Variants in GRK5 observed in about 807,000 individuals in gnomAD.
GRK5 encodes G protein-coupled receptor kinase 5.
GRK5 carries 40 observed loss-of-function variants against 78.4 expected under a neutral mutation model. That is an observed-to-expected ratio of 0.51 (90% CI 0.40 to 0.66). GRK5 has a LOEUF of 0.66. Among genes scored for constraint, GRK5 ranks in the 30% least tolerant of loss-of-function variants. GRK5 has a pLI of 0.00. For synonymous variants in GRK5, 289 were observed against 296.8 expected (o/e 0.97, Z 0.27); for missense variants, 598 against 759.9 (o/e 0.79, Z 2.50).
At chr10:119,405,927 C>T (rs983335253) in intron 4 of GRK5, among the ~76,000 whole-genome samples, 2 of 152,090 alleles carry the variant, frequency 1.3e-5, no homozygotes, top group African/African-American at 4.8e-5. Context: ...AGGAACATGC[C>T]TGGAGAACCA....
chr10:119,218,922 G>A lies in GRK5; in HGVS notation c.52+10953G>A, dbSNP rs1190532984. ...AACTTTTTTTTTTTTTTTTTGAGAC[G>A]GAGTCTCGCTCTGTCCCTAGGCCAG... On this transcript the variant is annotated intron_variant, in intron 1 of 15. Coordinates refer to ENST00000392870, the MANE Select transcript of GRK5 (RefSeq NM_005308.3). Among the ~76,000 whole-genome samples the A allele has an allele frequency of 6.1e-5, 9 of 147,508 alleles. No individual in the cohort carries two copies. The South Asian group carries it at 6.4e-4, about 10-fold the overall frequency.
At chr10:119,274,931 C>T (rs1849644156) in intron 1 of GRK5, among the ~76,000 whole-genome samples, 1 of 152,212 alleles carries the variant, frequency 6.6e-6, no homozygotes, top group Non-Finnish European at 1.5e-5. Flanking sequence ...TTTAAACCTT[C>T]TTGGAGACAG....
At chr10:119,338,194 T>A (rs1215248994) in intron 2 of GRK5, among the ~76,000 whole-genome samples, 1 of 152,166 alleles carries the variant, frequency 6.6e-6, no homozygotes, top group Non-Finnish European at 1.5e-5. Flanking sequence ...CCTTCTCTCC[T>A]GAGCCTGGTG....
intron 11 of GRK5, among the ~76,000 whole-genome samples, chr10:119,442,823 G>A (rs937066253): frequency 6.6e-6 from 1 of 152,226 alleles, no homozygotes; most frequent in Non-Finnish European, 1.5e-5. Context: ...TGTGGAGTGT[G>A]TGTCTGTGTG....
chr10:119,355,125 CA>C (rs1411762969), intron 2 of GRK5, among the ~76,000 whole-genome samples: 2 of 151,942 alleles, frequency 1.3e-5, no homozygotes, highest in African/African-American at 2.4e-5. Flanking sequence ...GGAATAATGA[CA>C]AAAAAATACA....
At position 119,453,189 on chromosome 10, in the gene GRK5, T is replaced by C. The variant is rs776754708; in HGVS notation, c.1587T>C (p.Pro529=). 6 of 1,590,262 alleles carry C rather than the reference T, an allele frequency of 3.8e-6. No individual in the cohort carries two copies. The South Asian group carries it at 6.6e-5, about 18-fold the overall frequency. Residue 529 remains proline (P), a synonymous_variant, in exon 15 of 16, where the codon CCT becomes CCC. Transcript: ENST00000392870. ...ECFKELNVFG[P]NGTLPPDLNR... ...TTAAGGAGCTGAACGTGTTTGGACC[T>C]AATGGTACCCTCCCGCCAGATCTGA...
At chr10:119,397,344 CA>C (rs1852071791) in intron 4 of GRK5, among the ~76,000 whole-genome samples, 1 of 152,190 alleles carries the variant, frequency 6.6e-6, no homozygotes, top group Non-Finnish European at 1.5e-5. Flanking sequence ...CTCGGTTCTC[CA>C]AGATCTGCTT....
chr10:119,294,089 G>C (rs761261707), intron 1 of GRK5, among the ~76,000 whole-genome samples: 3 of 152,104 alleles, frequency 2.0e-5, no homozygotes, highest in Non-Finnish European at 4.4e-5. Flanking sequence ...GTGAGGAGAC[G>C]CATGTGTATT....
chr10:119,397,333 C>A (rs549217342), intron 4 of GRK5, among the ~76,000 whole-genome samples: 14 of 152,320 alleles, frequency 9.2e-5, no homozygotes, highest in African/African-American at 3.4e-4. Context: ...GGTCCAGCAG[C>A]CTCGGTTCTC....
At chr10:119,307,750 G>A (rs61874518) in intron 1 of GRK5, among the ~76,000 whole-genome samples, 14,993 of 121,326 alleles carry the variant, frequency 0.12, 884 homozygotes, top group Middle Eastern at 0.2. Context: ...ATGCAGCCAT[G>A]CTCTACTCTG....
intron 1 of GRK5, among the ~76,000 whole-genome samples, chr10:119,256,383 G>A (rs1849286105): frequency 6.6e-6 from 1 of 152,122 alleles, no homozygotes. Flanking sequence ...GCCACTTCTT[G>A]TCCCCTGGTC....
At position 119,431,820 on chromosome 10, in the gene GRK5, G is replaced by A. The variant is rs2133895908; in HGVS notation, c.738+293G>A. Among the ~76,000 whole-genome samples, 1 of 152,314 alleles carries A rather than the reference G, an allele frequency of 6.6e-6. No individual in the cohort carries two copies. Among genetic ancestry groups the A allele is most frequent in the South Asian group, 2.1e-4 (1 of 4,820 alleles). The stretch of plus-strand genomic sequence containing the variant: ...GGACCACTTTGTAAACTCCTCAGTG[G>A]ACAAAGAAAGTTCACCTGGGCCCAG... On this transcript the variant is annotated intron_variant, in intron 8 of 15. Transcript: ENST00000392870. This position sits in a 1 kb window ranked among gnomAD's most constrained non-coding sequence, Gnocchi z 4.8.
intron 4 of GRK5, among the ~76,000 whole-genome samples, chr10:119,416,323 C>G (rs1012549056): frequency 1.4e-4 from 22 of 152,372 alleles, no homozygotes; most frequent in African/African-American, 5.3e-4. Flanking sequence ...TTGGCGACGC[C>G]ATCCTCGGGG....
chr10:119,413,413 GCA>G (rs34125415), intron 4 of GRK5, among the ~76,000 whole-genome samples: 6 of 150,450 alleles, frequency 4.0e-5, no homozygotes, highest in South Asian at 2.2e-4. Flanking sequence ...ACAGGCGCGT[GCA>G]CACACACACA....
Position 119,436,668 on chromosome 10 carries a change from C to T in GRK5, c.756C>T (p.Ala252=). ...GCTCCCAGGTCAACCTGGCCTATGCCTACGAGACCAAGGATGCACTGTGCT... is the reference window on the plus strand; with the variant it reads ...GCTCCCAGGTCAACCTGGCCTATGCTTACGAGACCAAGGATGCACTGTGCT... ...NSQFVVNLAY[A]YETKDALCLV... is the part of the protein sequence containing the mutation. Residue 252 remains alanine (A), a synonymous_variant, in exon 9 of 16, where the codon GCC becomes GCT. Transcript: ENST00000392870. The T allele has an allele frequency of 6.2e-7, 1 of 1,614,200 alleles. No individual in the cohort carries two copies. Among genetic ancestry groups the T allele is most frequent in the Non-Finnish European group, 8.5e-7 (1 of 1,180,036 alleles).
chr10:119,295,559 C>G (rs1403497331), intron 1 of GRK5, among the ~76,000 whole-genome samples: 3 of 152,062 alleles, frequency 2.0e-5, no homozygotes, highest in African/African-American at 7.2e-5. Context: ...TCCCAAATGC[C>G]TGTCAATCAA....
At chr10:119,248,831 A>G (rs960767979) in intron 1 of GRK5, among the ~76,000 whole-genome samples, 2 of 152,062 alleles carry the variant, frequency 1.3e-5, no homozygotes, top group African/African-American at 4.8e-5. Flanking sequence ...GGCTTTTTTC[A>G]TGCCACAGAA....
At position 119,344,446 on chromosome 10, in the gene GRK5, T is replaced by A. The variant is rs201888632; in HGVS notation, c.148+17835T>A. Among the ~76,000 whole-genome samples, 5 of 152,302 alleles carry A rather than the reference T, an allele frequency of 3.3e-5. No individual in the cohort carries two copies. In the East Asian group the frequency reaches 5.8e-4, roughly 18 times the overall value. On this transcript the variant is annotated intron_variant, in intron 2 of 15. Transcript: ENST00000392870. ...CATGCGGTGTTTGGTTTTCTGTCCT[T>A]GCGATAGTTCAGAGTAGGTTTTTCT...
At chr10:119,212,948 T>C (rs1477429214) in intron 1 of GRK5, 1 of 152,188 alleles carries the variant, frequency 6.6e-6, no homozygotes, top group African/African-American at 2.4e-5. Context: ...GAGCGAACTA[T>C]GCCTATTGGG....
Sources: gnomAD v4.1 joint callset for allele counts (sites outside exome capture counted in the v4.1 genomes callset) on GRCh38, gnomAD v4.1.1 for gene constraint, Gnocchi (gnomAD v3.1) non-coding constraint, MANE v1.5 for transcripts, NCBI Gene and HGNC (gene_info 2026-07-23, HGNC 2026-07-21) for gene names.